FGF8: variants seen among roughly 807,000 people sequenced by gnomAD.
The protein encoded by FGF8 is androgen-induced growth factor.
In FGF8, 12 loss-of-function variants were observed where a neutral mutation model predicts 29.7. The ratio of observed to expected loss-of-function variants is 0.40; its 90% CI spans 0.26 to 0.65. FGF8 has a LOEUF of 0.65. Among genes scored for constraint, FGF8 ranks in the 30% least tolerant of loss-of-function variants. The pLI is 0.37. For synonymous variants in FGF8, 157 were observed against 144.4 expected, an observed-to-expected ratio of 1.09 and a Z score of -0.63; for missense variants, 271 against 345.1, an observed-to-expected ratio of 0.79 and a Z score of 1.70.
rs2065037277 is a variant in FGF8, at chr10:101,772,326, C to T, written c.338-757G>A. Among the ~76,000 whole-genome samples, 1 of 152,254 alleles carries T rather than the reference C, an allele frequency of 6.6e-6. No homozygotes were observed. Among genetic ancestry groups the T allele is most frequent in the African/African-American group, 2.4e-5 (1 of 41,460 alleles). ...TCAATTGTCTTTTCTCTTTCAGCCT[C>T]ATCACAGCTGGGCTTCTCAGCCCAG... On this transcript the variant is annotated intron_variant, in intron 4 of 5. Transcript: ENST00000320185. This position sits in a 1 kb window ranked among gnomAD's most constrained non-coding sequence, Gnocchi z 4.4.
At chr10:101,774,442 C>T (rs1314381899) in intron 4 of FGF8, among the ~76,000 whole-genome samples, 2 of 152,210 alleles carry the variant, frequency 1.3e-5, no homozygotes, top group African/African-American at 4.8e-5. Context: ...GCCCCCTCCC[C>T]CTGAACCCCC....
intron 4 of FGF8, among the ~76,000 whole-genome samples, chr10:101,774,463 T>G (rs1393059844): frequency 6.6e-6 from 1 of 152,144 alleles, no homozygotes. Flanking sequence ...TGCCTCCACC[T>G]GCAGCTGGGG....
chr10:101,779,224 G>A (rs1001002866), upstream of FGF8, among the ~76,000 whole-genome samples: 2 of 152,208 alleles, frequency 1.3e-5, no homozygotes, highest in African/African-American at 2.4e-5. The surrounding 1 kb of genome is among the most constrained non-coding windows in gnomAD (Gnocchi z 5.7). Flanking sequence ...TTCCTGCGCC[G>A]GGCGTTCAAA....
At position 101,775,026 on chromosome 10, in the gene FGF8, TG is replaced by T; in HGVS notation, c.156+103del. The T allele has an allele frequency of 6.6e-7, 1 of 1,510,506 alleles. No homozygotes were observed. Among genetic ancestry groups the T allele is most frequent in the Non-Finnish European group, 9.1e-7 (1 of 1,104,108 alleles). 93.6% of individuals were successfully genotyped at this position (1,510,506 alleles called of 1,614,324 possible). On this transcript the variant is annotated intron_variant, in intron 3 of 5. Coordinates refer to ENST00000320185, the MANE Select transcript of FGF8 (RefSeq NM_033163.5). The surrounding 1 kb of genome is among the most constrained non-coding windows in gnomAD (Gnocchi z 4.6). ...ACTGCCCCAAGCCGCCAGCAGGTGCTGGGGGTTCCCCCAACATGCCAGCCCA... is the reference window on the plus strand; with the variant it reads ...ACTGCCCCAAGCCGCCAGCAGGTGCTGGGGTTCCCCCAACATGCCAGCCCA...
upstream of FGF8, among the ~76,000 whole-genome samples, chr10:101,776,902 A>C (rs2065102879): frequency 7.0e-6 from 1 of 142,820 alleles, no homozygotes; most frequent in Non-Finnish European, 1.5e-5. Flanking sequence ...ACTAGCCTGA[A>C]GCTTGAGGAG....
At chr10:101,779,595 C>A (rs1435054978), upstream of FGF8, among the ~76,000 whole-genome samples, 1 of 150,028 alleles carries the variant, frequency 6.7e-6, no homozygotes, top group Admixed American at 6.6e-5. This position sits in a 1 kb window ranked among gnomAD's most constrained non-coding sequence, Gnocchi z 5.7. Flanking sequence ...GTGCTCGGCG[C>A]AGGCCCGCGC....
rs761712063 is a variant in FGF8, at chr10:101,770,513, C to T, written c.551G>A (p.Arg184His). The T allele has an allele frequency of 8.1e-6, 13 of 1,613,600 alleles. No homozygotes were observed. Among genetic ancestry groups the T allele is most frequent in the African/African-American group, 2.7e-5 (2 of 75,044 alleles). ...KYEGWYMAFTRKGRPRKGSKT... is the reference protein window; with the variant it reads ...KYEGWYMAFTHKGRPRKGSKT... Reference sequence around the variant, plus strand: ...GGAGCCCTTGCGGGGCCGGCCCTTGCGGGTGAAGGCCATGTACCAGCCCTC... The same window carrying T: ...GGAGCCCTTGCGGGGCCGGCCCTTGTGGGTGAAGGCCATGTACCAGCCCTC... The change falls in exon 6 of 6, where the codon CGC (arginine) becomes CAC (histidine). Residue 184 changes from arginine to histidine, a missense_variant. Physicochemically the swap from Arg to His is conservative, Grantham distance 29. This residue lies in a region of FGF8 where 41 missense variants were observed against 80.0 expected (regional missense o/e 0.51). Transcript: ENST00000320185.
In FGF8 at chr10:101,774,880, C is replaced by T; in HGVS notation, c.189G>A (p.Gln63=). Residue 63 remains glutamine (Q), a synonymous_variant, in exon 4 of 6, where the codon CAG becomes CAA. Coordinates refer to ENST00000320185, the MANE Select transcript of FGF8 (RefSeq NM_033163.5). ...VTVQSSPNFT[Q]HVREQSLVTD... Reference sequence around the variant, plus strand: ...TCACCAGGCTCTGCTCCCTCACATGCTGTGTAAAATTAGGTGAGGACTGAA... The same window carrying T: ...TCACCAGGCTCTGCTCCCTCACATGTTGTGTAAAATTAGGTGAGGACTGAA... The T allele has an allele frequency of 6.2e-7, 1 of 1,614,068 alleles. No individual in the cohort carries two copies.
rs2065042180 is a variant in FGF8 at position 101,772,787 on chromosome 10, G to T, written c.338-1218C>A. Among the ~76,000 whole-genome samples the T allele has an allele frequency of 6.6e-6, 1 of 152,118 alleles. No individual in the cohort carries two copies. The highest frequency in any genetic ancestry group is 6.5e-5 in the Admixed American group (1 of 15,284). On this transcript the variant is annotated intron_variant, in intron 4 of 5. Coordinates refer to ENST00000320185, the MANE Select transcript of FGF8 (RefSeq NM_033163.5). This position sits in a 1 kb window ranked among gnomAD's most constrained non-coding sequence, Gnocchi z 4.4. ...CCGCTTCACACAGGCTCAGTGCTGG[G>T]ACCAGTGGCCAAGCCCCCGGTTTGG...
chr10:101,771,482 T>G lies in FGF8; in HGVS notation c.425A>C (p.Lys142Thr). The part of the protein sequence containing the change: ...ETGLYICMNK[K>T]GKLIAKSNGK... The stretch of plus-strand genomic sequence containing the variant: ...CCTCACCTTGGCGATCAGCTTCCCC[T>G]TCTTGTTCATGCAGATGTAGAGGCC... Residue 142 changes from lysine to threonine, a missense_variant, in exon 5 of 6, where the codon AAG becomes ACG. By Grantham distance (78) the Lys-to-Thr change is moderately conservative (BLOSUM62 -1). This residue lies in a region of FGF8 where 168 missense variants were observed against 207.0 expected (regional missense o/e 0.81). Transcript: ENST00000320185. The surrounding 1 kb of genome is among the most constrained non-coding windows in gnomAD (Gnocchi z 5.3). 1.2e-6 allele frequency: 2 copies of G among 1,614,114 alleles called. No homozygotes were observed. Among genetic ancestry groups the G allele is most frequent in the Non-Finnish European group, 1.7e-6 (2 of 1,179,950 alleles).
chr10:101,774,036 AAAC>A (rs760486478), intron 4 of FGF8, among the ~76,000 whole-genome samples: 1 of 152,244 alleles, frequency 6.6e-6, no homozygotes, highest in Non-Finnish European at 1.5e-5. Context: ...CGCTCTCTAA[AAAC>A]AACACCAGCC....
At chr10:101,774,622 C>T in intron 4 of FGF8, 110 bp downstream of exon 4, 1 of 942,136 alleles carries the variant, frequency 1.1e-6, no homozygotes, top group Non-Finnish European at 1.6e-6. Flanking sequence ...ACCTTTCTGC[C>T]TTAACTCCTT....
chr10:101,775,914 G>A lies in FGF8; in HGVS notation c.-14C>T, dbSNP rs1433393848. 3 of 1,233,266 alleles carry A rather than the reference G, an allele frequency of 2.4e-6. No individual in the cohort carries two copies. In the East Asian group the frequency reaches 1.0e-4, roughly 41 times the overall value. The allele number at this position is 1,233,266 out of a possible 1,614,324, so 76.4% of individuals were successfully genotyped here. A position where few individuals can be genotyped will look rare whatever the true frequency, so the allele number is the denominator to read the frequency against. ...GGGGCTGCCCATGGCGCGCGGCCCC[G>A]GGGCACCGAGAGCCCGGCGGGTCAC... On this transcript the variant is annotated 5_prime_UTR_variant, in exon 1 of 6. Coordinates refer to ENST00000320185, the MANE Select transcript of FGF8 (RefSeq NM_033163.5). The surrounding 1 kb of genome is among the most constrained non-coding windows in gnomAD (Gnocchi z 4.6).
rs1298353758 is a variant in FGF8, at chr10:101,771,720, C to A, written c.338-151G>T. The A allele has an allele frequency of 1.7e-5, 12 of 714,812 alleles. No homozygotes were observed. The highest frequency in any genetic ancestry group is 1.6e-4 in the Admixed American group (8 of 49,750). 44.3% of individuals were successfully genotyped at this position (714,812 alleles called of 1,614,324 possible). ...CCCAGCTACTAACATGCTGTGCAAC[C>A]CAGAGAAAGGGCTTTTCTGGACCTC... On this transcript the variant is annotated intron_variant, in intron 4 of 5. Coordinates refer to ENST00000320185, the MANE Select transcript of FGF8 (RefSeq NM_033163.5). The surrounding 1 kb of genome is among the most constrained non-coding windows in gnomAD (Gnocchi z 5.3).
upstream of FGF8, among the ~76,000 whole-genome samples, chr10:101,778,831 C>T (rs2065117475): frequency 1.3e-5 from 2 of 152,190 alleles, no homozygotes; most frequent in African/African-American, 2.4e-5. Context: ...GCCTCCCGGC[C>T]AGCTCCCTCC....
chr10:101,775,269 C>G lies in FGF8; in HGVS notation c.70-53G>C, dbSNP rs941926289. 9 of 1,262,298 alleles carry G rather than the reference C, an allele frequency of 7.1e-6. No individual in the cohort carries two copies. The highest frequency in any genetic ancestry group is 9.0e-6 in the Non-Finnish European group (8 of 891,490). The allele number at this position is 1,262,298 out of a possible 1,614,324, so 78.2% of individuals were successfully genotyped here. A position where few individuals can be genotyped will look rare whatever the true frequency, so the allele number is the denominator to read the frequency against. On this transcript the variant is annotated intron_variant, in intron 2 of 5. Transcript: ENST00000320185. This position sits in a 1 kb window ranked among gnomAD's most constrained non-coding sequence, Gnocchi z 4.6. Reference sequence around the variant, plus strand: ...GGAGGCAGCCCTCCCCGACCCCTGACATTTATAAAGACAAATTTACGGAGC... The same window carrying G: ...GGAGGCAGCCCTCCCCGACCCCTGAGATTTATAAAGACAAATTTACGGAGC...
intron 4 of FGF8, 134 bp downstream of exon 4, chr10:101,774,598 C>T: frequency 1.4e-6 from 1 of 732,924 alleles, no homozygotes; most frequent in African/African-American, 1.7e-5. Flanking sequence ...TCTTCCCCAG[C>T]TGACCCTCAA....
intron 4 of FGF8, among the ~76,000 whole-genome samples, chr10:101,773,103 C>A (rs1374977156): frequency 6.6e-6 from 1 of 152,222 alleles, no homozygotes; most frequent in Non-Finnish European, 1.5e-5. Context: ...CCTGGCTGAA[C>A]ACCCTGAGCC....
chr10:101,775,687 C>A lies in FGF8; in HGVS notation c.69+53G>T. 6.5e-7 allele frequency: 1 copy of A among 1,534,870 alleles called. No individual in the cohort carries two copies. Among genetic ancestry groups the A allele is most frequent in the Non-Finnish European group, 8.8e-7 (1 of 1,141,458 alleles). On this transcript the variant is annotated intron_variant, in intron 2 of 5. Transcript: ENST00000320185. This position sits in a 1 kb window ranked among gnomAD's most constrained non-coding sequence, Gnocchi z 4.6. ...CGGTGCCCCCGACCGGCGCTGCCCA[C>A]CCGGGTCTCACACCGGCGCGCCCGG...
Sources: allele counts gnomAD v4.1 joint callset (sites outside exome capture counted in the v4.1 genomes callset), GRCh38; gene constraint gnomAD v4.1.1; regional missense constraint gnomAD v4.1.1; non-coding constraint Gnocchi (gnomAD v3.1); transcripts MANE v1.5; gene names NCBI Gene and HGNC (gene_info 2026-07-23, HGNC 2026-07-21).